The following PLD2 variants were observed in gnomAD, a reference collection of about 807,000 sequenced individuals.
PLD2 encodes phospholipase D2.
PLD2 carries 101 observed loss-of-function variants against 119.8 expected under a neutral mutation model. The observed-to-expected ratio is 0.84, with a 90% confidence interval of 0.72 to 0.99. The LOEUF (loss-of-function observed/expected upper bound fraction) is 0.99, where lower values mean the gene tolerates loss of function less well. PLD2 is among the 50% of genes least tolerant of loss of function. The pLI is 0.00. For synonymous variants in PLD2, 494 were observed against 482.8 expected (o/e 1.02, Z -0.30); for missense variants, 1,164 against 1,226.8 (o/e 0.95, Z 0.76).
chr17:4,818,794 A>G lies in PLD2; in HGVS notation c.2144A>G (p.Tyr715Cys), dbSNP rs935533782. The G allele has an allele frequency of 1.9e-6, 3 of 1,613,920 alleles. No individual in the cohort carries two copies. Among genetic ancestry groups the G allele is most frequent in the Admixed American group, 3.3e-5 (2 of 59,984 alleles). ...FTYRTLCRGE[Y>C]SILHRLKAAM... is the part of the protein sequence containing the mutation. ...CTCAGGACCCTGTGTCGTGGGGAGT[A>G]TTCAATCCTGCATCGCCTTAAAGCA... The change falls in exon 21 of 25, where the codon TAT becomes TGT. Residue 715 changes from tyrosine to cysteine, a missense_variant. Physicochemically the swap from Tyr to Cys is radical, Grantham distance 194. Coordinates refer to ENST00000263088, the MANE Select transcript of PLD2 (RefSeq NM_002663.5).
chr17:4,807,800 C>T lies in PLD2; in HGVS notation c.28C>T (p.Pro10Ser). Residue 10 changes from proline to serine, a missense_variant, in exon 2 of 25, where the codon CCC (proline) becomes TCC (serine). Transcript: ENST00000263088. The surrounding 1 kb of genome is among the most constrained non-coding windows in gnomAD (Gnocchi z 5.4). MTATPESLF[P>S]TGDELDSSQL... ...GACGGCGACCCCTGAGAGCCTCTTC[C>T]CCACTGGGGACGAACTGGACTCCAG... 4 of 1,611,152 alleles carry T rather than the reference C, an allele frequency of 2.5e-6. No homozygotes were observed. The highest frequency in any genetic ancestry group is 2.5e-6 in the Non-Finnish European group (3 of 1,179,010).
At chr17:4,817,480 G>T in intron 17 of PLD2, 1 of 525,716 alleles carries the variant, frequency 1.9e-6, no homozygotes, top group Non-Finnish European at 3.4e-6. Context: ...GGCTAACATG[G>T]TGAAACCCCA....
chr17:4,814,341 A>G, intron 10 of PLD2, 77 bp from the exon 11 acceptor site: 1 of 1,543,048 alleles, frequency 6.5e-7, no homozygotes, highest in Non-Finnish European at 8.7e-7. Context: ...CTGACCCACG[A>G]CTGTCCTCCG....
rs1003543127 is a variant in PLD2, at chr17:4,822,716, C to T, written c.2654C>T (p.Ala885Val). Residue 885 changes from alanine to valine, a missense_variant, in exon 25 of 25, where the codon GCC becomes GTC. Transcript: ENST00000263088. The stretch of plus-strand genomic sequence containing the variant: ...GAGTACGTGGCCGTGGAGCCCTTGG[C>T]CACGGTCAGTCCCCCCTTGGCTCGG... ...LREYVAVEPL[A>V]TVSPPLARSE... 2.5e-6 allele frequency: 4 copies of T among 1,613,952 alleles called. No homozygotes were observed. In the African/African-American group the frequency reaches 4.0e-5, roughly 16 times the overall value.
At chr17:4,811,654 T>G (rs1282531689) in intron 10 of PLD2, among the ~76,000 whole-genome samples, 1 of 152,158 alleles carries the variant, frequency 6.6e-6, no homozygotes, top group African/African-American at 2.4e-5. Context: ...AAGTAGGTGA[T>G]CAAATCGTGA....
rs758830768 is a variant in PLD2 at position 4,808,449 on chromosome 17, C to T, written c.383+33C>T. The T allele has an allele frequency of 3.1e-6, 5 of 1,601,230 alleles. No homozygotes were observed. Among genetic ancestry groups the T allele is most frequent in the Non-Finnish European group, 4.3e-6 (5 of 1,171,828 alleles). On this transcript the variant is annotated intron_variant, in intron 4 of 24. Coordinates refer to ENST00000263088, the MANE Select transcript of PLD2 (RefSeq NM_002663.5). The surrounding 1 kb of genome is among the most constrained non-coding windows in gnomAD (Gnocchi z 4.1). ...CGACCGGACTGCTTCCTGTAGAGGG[C>T]AGGTGCTCCCCACCCTCCTTTCTGT...
At position 4,808,558 on chromosome 17, in the gene PLD2, T is replaced by C. The variant is rs1362689751; in HGVS notation, c.383+142T>C. ...CCCCTGACCCCAGTTACCAGGAAACTTTCCCTGCTCAGCTTTCCCTGTCCA... is the reference window on the plus strand; with the variant it reads ...CCCCTGACCCCAGTTACCAGGAAACCTTCCCTGCTCAGCTTTCCCTGTCCA... On this transcript the variant is annotated intron_variant, in intron 4 of 24. Transcript: ENST00000263088. The surrounding 1 kb of genome is among the most constrained non-coding windows in gnomAD (Gnocchi z 4.1). The C allele has an allele frequency of 2.6e-6, 2 of 772,780 alleles. No individual in the cohort carries two copies. Among genetic ancestry groups the C allele is most frequent in the Non-Finnish European group, 4.3e-6 (2 of 469,888 alleles). The allele number at this position is 772,780 out of a possible 1,614,324, so 47.9% of individuals were successfully genotyped here. A position where few individuals can be genotyped will look rare whatever the true frequency, so the allele number is the denominator to read the frequency against.
chr17:4,810,725 G>GGGAA (rs2150669903), intron 9 of PLD2, 77 bp from the exon 10 acceptor site: 2 of 802,618 alleles, frequency 2.5e-6, no homozygotes, highest in Non-Finnish European at 3.5e-6. Flanking sequence ...GGGAGGAAGT[G>GGGAA]GGAAAGGGGA....
At chr17:4,811,449 G>C (rs990390684) in intron 10 of PLD2, among the ~76,000 whole-genome samples, 2 of 109,028 alleles carry the variant, frequency 1.8e-5, no homozygotes, top group Non-Finnish European at 3.7e-5. Flanking sequence ...GCTAATTTTT[G>C]TATTTTTAGT....
chr17:4,810,041 C>G lies in PLD2; in HGVS notation c.860+12C>G. The G allele has an allele frequency of 1.2e-6, 2 of 1,611,760 alleles. No homozygotes were observed. The highest frequency in any genetic ancestry group is 2.2e-5 in the South Asian group (2 of 90,934). ...GATACCTCCCACAGGTGAGGCCTCC[C>G]TGGGGTGAGAGACACCAGCTGAGTG... On this transcript the variant is annotated intron_variant, in intron 9 of 24. Transcript: ENST00000263088.
chr17:4,820,459 G>C (rs1907540492), intron 23 of PLD2, among the ~76,000 whole-genome samples: 6 of 149,476 alleles, frequency 4.0e-5, no homozygotes. Flanking sequence ...GTAGAGACAG[G>C]GTTTCGCTGT....
rs1567524610 is a variant in PLD2 at position 4,809,530 on chromosome 17, CG to C, written c.595del (p.Asp199ThrfsTer10). ...FLEVSQLSFI[P>X]DLGRKGLEGM... The stretch of plus-strand genomic sequence containing the variant: ...GAAGTCAGTCAGCTGTCCTTTATCC[CG>C]GACTTGGGCCGCAAAGGACTGTGAG... On this transcript the variant is annotated frameshift_variant, in exon 7 of 25. Transcript: ENST00000263088. LOFTEE classifies it high-confidence loss of function. The C allele has an allele frequency of 6.2e-7, 1 of 1,606,730 alleles. No individual in the cohort carries two copies. Among genetic ancestry groups the C allele is most frequent in the East Asian group, 2.2e-5 (1 of 44,710 alleles).
Position 4,807,678 on chromosome 17 carries a change from AG to A in PLD2, c.-1-92del. The A allele has an allele frequency of 1.4e-6, 1 of 717,558 alleles. No individual in the cohort carries two copies. The highest frequency in any genetic ancestry group is 2.4e-6 in the Non-Finnish European group (1 of 416,572). The allele number at this position is 717,558 out of a possible 1,614,324, so 44.4% of individuals were successfully genotyped here. A position where few individuals can be genotyped will look rare whatever the true frequency, so the allele number is the denominator to read the frequency against. On this transcript the variant is annotated intron_variant, in intron 1 of 24. Transcript: ENST00000263088. This position sits in a 1 kb window ranked among gnomAD's most constrained non-coding sequence, Gnocchi z 5.4. ...GGTCAGGAGGCCGTGGGGGAAGAGG[AG>A]GATCTGGAAGAGATGGAGGACCTGC...
In PLD2 at chr17:4,819,955, T is replaced by C. The variant is rs2150680383; in HGVS notation, c.2462+373T>C. Among the ~76,000 whole-genome samples, 1 of 151,820 alleles carries C rather than the reference T, an allele frequency of 6.6e-6. No individual in the cohort carries two copies. The highest frequency in any genetic ancestry group is 1.9e-4 in the East Asian group (1 of 5,166). On this transcript the variant is annotated intron_variant, in intron 23 of 24. Coordinates refer to ENST00000263088, the MANE Select transcript of PLD2 (RefSeq NM_002663.5). This position sits in a 1 kb window ranked among gnomAD's most constrained non-coding sequence, Gnocchi z 4.2. Reference sequence around the variant, plus strand: ...AAAAAACAAAAAGAGAAAAAAATCTTTTTTTTTTGAGACGGAGTTTTGCTC... The same window carrying C: ...AAAAAACAAAAAGAGAAAAAAATCTCTTTTTTTTGAGACGGAGTTTTGCTC...
rs1408552577 is a variant in PLD2, at chr17:4,807,425, T to C, written c.-2+200T>C. ...CCCGCCTGGCCTGGCGTGAGCCCCGTAGCCGCGCGCTCTCCGGACCACCCA... is the reference window on the plus strand; with the variant it reads ...CCCGCCTGGCCTGGCGTGAGCCCCGCAGCCGCGCGCTCTCCGGACCACCCA... On this transcript the variant is annotated intron_variant, in intron 1 of 24. Coordinates refer to ENST00000263088, the MANE Select transcript of PLD2 (RefSeq NM_002663.5). The surrounding 1 kb of genome is among the most constrained non-coding windows in gnomAD (Gnocchi z 5.4). 5.3e-6 allele frequency: 1 copy of C among 188,610 alleles called. No individual in the cohort carries two copies. The highest frequency in any genetic ancestry group is 1.1e-5 in the Non-Finnish European group (1 of 91,484). 11.7% of individuals were successfully genotyped at this position (188,610 alleles called of 1,614,324 possible).
At chr17:4,818,152 GGAGA>G (rs775138821) in intron 18 of PLD2, 46 bp downstream of exon 18, 1 of 1,483,900 alleles carries the variant, frequency 6.7e-7, no homozygotes, top group South Asian at 1.1e-5. Context: ...GGGTGTCCCA[GGAGA>G]GAGACCTGGG....
rs558978930 is a variant in PLD2 at position 4,822,909 on chromosome 17, C to G, written c.*45C>G. The G allele has an allele frequency of 1.5e-5, 16 of 1,096,150 alleles. No homozygotes were observed. The South Asian group carries it at 2.0e-4, about 14-fold the overall frequency. The allele number at this position is 1,096,150 out of a possible 1,614,324, so 67.9% of individuals were successfully genotyped here. ...GAGGTCACCAGCTGCTGTGCCCCAC[C>G]ACGTCTGGCTCCCTGCCCCTTAACC... On this transcript the variant is annotated 3_prime_UTR_variant, in exon 25 of 25. Transcript: ENST00000263088.
At position 4,808,668 on chromosome 17, in the gene PLD2, T is replaced by G. The variant is rs994109512; in HGVS notation, c.383+252T>G. On this transcript the variant is annotated intron_variant, in intron 4 of 24. Coordinates refer to ENST00000263088, the MANE Select transcript of PLD2 (RefSeq NM_002663.5). The surrounding 1 kb of genome is among the most constrained non-coding windows in gnomAD (Gnocchi z 4.1). ...CCTTTTCTAGTCTCCATTCCCAGGG[T>G]AGGGGGCCTCCGTTTTGCCAGCCTC... is the stretch of plus-strand genomic sequence containing the variant. Among the ~76,000 whole-genome samples the G allele has an allele frequency of 2.0e-5, 3 of 152,060 alleles. No homozygotes were observed. Among genetic ancestry groups the G allele is most frequent in the African/African-American group, 4.8e-5 (2 of 41,412 alleles).
chr17:4,818,389 A>C lies in PLD2; in HGVS notation c.2009+4A>C. 6.2e-7 allele frequency: 1 copy of C among 1,613,834 alleles called. No homozygotes were observed. Among genetic ancestry groups the C allele is most frequent in the Non-Finnish European group, 8.5e-7 (1 of 1,179,702 alleles). ...ACAGAATCCTGAAGGCCCACAAGTA[A>C]GGTGGACTGTCAGGAAGGTGGGGAC... On this transcript the variant is annotated splice_donor_region_variant and intron_variant, in intron 19 of 24. Transcript: ENST00000263088.
Sources: gnomAD v4.1 joint callset for allele counts (sites outside exome capture counted in the v4.1 genomes callset) on GRCh38, gnomAD v4.1.1 for gene constraint, Gnocchi (gnomAD v3.1) non-coding constraint, MANE v1.5 for transcripts, NCBI Gene and HGNC (gene_info 2026-07-23, HGNC 2026-07-21) for gene names.